The following RNF141 variants were observed in gnomAD, a reference collection of about 807,000 sequenced individuals.
The protein encoded by RNF141 is C3HC4-like zinc finger protein.
In RNF141, 18 loss-of-function variants were observed where a neutral mutation model predicts 27.4. The ratio of observed to expected loss-of-function variants is 0.66; its 90% CI spans 0.45 to 0.97. The LOEUF (loss-of-function observed/expected upper bound fraction) is 0.97, where lower values mean the gene tolerates loss of function less well. Among genes scored for constraint, RNF141 ranks in the 50% least tolerant of loss-of-function variants. The probability of loss-of-function intolerance (pLI) is 0.00; values close to 1 mark genes in which losing one functional copy is unlikely to be tolerated. For synonymous variants in RNF141, 97 were observed against 96.6 expected (o/e 1.00, Z -0.02); for missense variants, 230 against 279.4 (o/e 0.82, Z 1.26).
intron 2 of RNF141, among the ~76,000 whole-genome samples, chr11:10,532,387 T>G (rs915258155): frequency 1.3e-5 from 2 of 151,962 alleles, no homozygotes; most frequent in African/African-American, 2.4e-5. Context: ...ATTTTTATCA[T>G]AAAAATACAT....
chr11:10,532,526 C>CAA (rs1849996356), intron 2 of RNF141, among the ~76,000 whole-genome samples: 1 of 145,500 alleles, frequency 6.9e-6, no homozygotes. Context: ...CACACACACA[C>CAA]ACACACACAC....
intron 4 of RNF141, among the ~76,000 whole-genome samples, chr11:10,524,839 A>G (rs1025885725): frequency 2.6e-4 from 39 of 152,310 alleles, no homozygotes; most frequent in Middle Eastern, 3.4e-3. Context: ...ATTTTGCCAA[A>G]TTCTTTGACC....
chr11:10,521,064 C>T (rs1326296481), intron 4 of RNF141, among the ~76,000 whole-genome samples: 1 of 152,186 alleles, frequency 6.6e-6, no homozygotes, highest in Admixed American at 6.5e-5. Context: ...TTTCTGTCCT[C>T]CAGGAGCTCT....
chr11:10,518,863 G>A, intron 5 of RNF141, 171 bp downstream of exon 5: 1 of 467,822 alleles, frequency 2.1e-6, no homozygotes, highest in Non-Finnish European at 3.7e-6. Flanking sequence ...AATGTTAGGT[G>A]TAAAAACAAA....
chr11:10,526,308 A>G (rs1288034331), intron 3 of RNF141, among the ~76,000 whole-genome samples: 1 of 152,226 alleles, frequency 6.6e-6, no homozygotes, highest in Non-Finnish European at 1.5e-5. Flanking sequence ...ACAGGGCCAT[A>G]AAATTGTGAC....
intron 1 of RNF141, among the ~76,000 whole-genome samples, chr11:10,539,687 C>CATATATATATATATATATAT (rs1330301830): frequency 3.9e-5 from 2 of 50,886 alleles, no homozygotes; most frequent in African/African-American, 7.2e-5. Context: ...GAAAAAGATA[C>CATATATATATATATATATAT]ATACATATAT....
chr11:10,515,241 C>G (rs568518365), intron 5 of RNF141, 175 bp from the exon 6 acceptor site: 3 of 676,910 alleles, frequency 4.4e-6, no homozygotes, highest in Non-Finnish European at 4.8e-6. Context: ...GGGGCAACCA[C>G]AGTTACCAGT....
At chr11:10,534,477 T>TACACAC (rs3074399) in intron 1 of RNF141, among the ~76,000 whole-genome samples, 4 of 149,974 alleles carry the variant, frequency 2.7e-5, no homozygotes, top group Non-Finnish European at 4.5e-5. Context: ...TGTGCATGTG[T>TACACAC]ACACACACAC....
At chr11:10,538,822 A>T (rs1246128527) in intron 1 of RNF141, among the ~76,000 whole-genome samples, 1 of 152,242 alleles carries the variant, frequency 6.6e-6, no homozygotes, top group Non-Finnish European at 1.5e-5. Flanking sequence ...ATTAATGCTT[A>T]TGTAAACTGG....
Position 10,515,029 on chromosome 11 carries a change from G to C in RNF141, c.580C>G (p.Gln194Glu), listed in dbSNP as rs1324099936. ...CAAGATTCATTTGCTCCAGTCATCTGTAGGCGACAAATAGGGCAATTCCTG... is the reference window on the plus strand; with the variant it reads ...CAAGATTCATTTGCTCCAGTCATCTCTAGGCGACAAATAGGGCAATTCCTG... ...RHRNCPICRL[Q>E]MTGANESWVV... The change falls in exon 6 of 6, where the codon CAG (glutamine) becomes GAG (glutamate). Residue 194 changes from glutamine (Q) to glutamate (E), a missense_variant. Physicochemically the swap from Gln to Glu is conservative, Grantham distance 29. Transcript: ENST00000265981. 2 of 1,613,966 alleles carry C rather than the reference G, an allele frequency of 1.2e-6. No individual in the cohort carries two copies. The highest frequency in any genetic ancestry group is 1.7e-6 in the Non-Finnish European group (2 of 1,179,916).
At position 10,512,044 on chromosome 11, in the gene RNF141, A is replaced by T. The variant is rs1218500140; in HGVS notation, c.*2872T>A. The T allele has an allele frequency of 6.6e-6, 1 of 152,622 alleles. No individual in the cohort carries two copies. 9.5% of individuals were successfully genotyped at this position (152,622 alleles called of 1,614,324 possible). On this transcript the variant is annotated 3_prime_UTR_variant, in exon 6 of 6. Transcript: ENST00000265981. The stretch of plus-strand genomic sequence containing the variant: ...GTACATAGTAAAATTCATTTTCTCA[A>T]ACTAAGGTTCTATACATAATCGGAG...
intron 4 of RNF141, 144 bp from the exon 5 acceptor site, chr11:10,519,285 T>G (rs1849867365): frequency 1.9e-6 from 1 of 526,102 alleles, no homozygotes; most frequent in Admixed American, 3.7e-5. Context: ...CAGACTAAAA[T>G]TAATATTATC....
intron 3 of RNF141, among the ~76,000 whole-genome samples, chr11:10,529,383 C>T (rs138553753): frequency 6.8e-4 from 104 of 152,230 alleles, no homozygotes; most frequent in African/African-American, 2.5e-3. Context: ...AGGAATTTTC[C>T]GTGACTTCCT....
chr11:10,531,916 T>G (rs1162791445), intron 2 of RNF141: 1 of 398,512 alleles, frequency 2.5e-6, no homozygotes, highest in East Asian at 8.6e-5. Flanking sequence ...CTGTATAGGT[T>G]TAATTCTACA....
chr11:10,528,290 A>G (rs1849955836), intron 3 of RNF141, among the ~76,000 whole-genome samples: 1 of 152,162 alleles, frequency 6.6e-6, no homozygotes, highest in Non-Finnish European at 1.5e-5. Flanking sequence ...TTCTAACATA[A>G]ACACTGACCT....
At chr11:10,533,083 C>T (rs1350991) in intron 2 of RNF141, among the ~76,000 whole-genome samples, 103,710 of 152,066 alleles carry the variant, frequency 0.68, 35,656 homozygotes, top group East Asian at 0.85. Context: ...GGTGACTCCA[C>T]AGGTTCTAAT....
In RNF141 at chr11:10,514,916, T is replaced by G. The variant is rs1002091761; in HGVS notation, c.693A>C (p.Ter231CysextTer2). The G allele has an allele frequency of 1.9e-6, 3 of 1,610,822 alleles. No homozygotes were observed. The highest frequency in any genetic ancestry group is 1.7e-6 in the Non-Finnish European group (2 of 1,178,554). Residue 231 changes from the stop codon to cysteine (C), a stop_lost, in exon 6 of 6, where the codon TGA becomes TGC. Coordinates refer to ENST00000265981, the MANE Select transcript of RNF141 (RefSeq NM_016422.4). ...ADEAGQPHRP[*>C] ...GCAACAGAAGACTTTCACTTCAAGGTCATGGCCTGTGGGGCTGGCCTGCCT... is the reference window on the plus strand; with the variant it reads ...GCAACAGAAGACTTTCACTTCAAGGGCATGGCCTGTGGGGCTGGCCTGCCT...
chr11:10,516,431 CT>C (rs1304477633), intron 5 of RNF141: 1 of 152,188 alleles, frequency 6.6e-6, no homozygotes. Flanking sequence ...TTTCTAGCCC[CT>C]GATCAAGAAG....
chr11:10,530,206 A>G (rs1187770237), intron 3 of RNF141, among the ~76,000 whole-genome samples: 2 of 152,192 alleles, frequency 1.3e-5, no homozygotes, highest in Non-Finnish European at 2.9e-5. Context: ...CTATCCCATA[A>G]CTAAAAATTA....
Sources: gnomAD v4.1 joint callset for allele counts (sites outside exome capture counted in the v4.1 genomes callset) on GRCh38, gnomAD v4.1.1 for gene constraint, MANE v1.5 for transcripts, NCBI Gene and HGNC (gene_info 2026-07-23, HGNC 2026-07-21) for gene names.